GRIK2: variants seen among roughly 807,000 people sequenced by gnomAD.
The protein encoded by GRIK2 is glutamate receptor ionotropic, kainate 2.
In GRIK2, 32 loss-of-function variants were observed where a neutral mutation model predicts 100.3. The observed-to-expected ratio is 0.32, with a 90% CI of 0.24 to 0.43. The LOEUF (loss-of-function observed/expected upper bound fraction) is 0.43. Among genes scored for constraint, GRIK2 ranks in the 20% least tolerant of loss-of-function variants. GRIK2 has a pLI of 1.00. For synonymous variants in GRIK2, 417 were observed against 389.4 expected (o/e 1.07, Z -0.83); for missense variants, 843 against 1,114.9 (o/e 0.76, Z 3.47).
intron 10 of GRIK2, among the ~76,000 whole-genome samples, chr6:101,836,368 CT>C (rs1783092386): frequency 6.6e-6 from 1 of 151,806 alleles, no homozygotes; most frequent in Non-Finnish European, 1.5e-5. Flanking sequence ...TGACACCTGG[CT>C]TGATTGAATG....
intron 4 of GRIK2, among the ~76,000 whole-genome samples, chr6:101,641,229 T>TA (rs1377795311): frequency 5.3e-4 from 80 of 152,206 alleles, no homozygotes; most frequent in African/African-American, 1.9e-3. Context: ...TTTTAACTTT[T>TA]AAAAAATGTA....
chr6:101,786,802 T>G (rs1248934484), intron 7 of GRIK2, among the ~76,000 whole-genome samples: 1 of 152,156 alleles, frequency 6.6e-6, no homozygotes, highest in East Asian at 1.9e-4. Flanking sequence ...TGTCCTTGTC[T>G]GCTTTTGGTA....
rs187310130 is a variant in GRIK2, at chr6:101,854,754, A to G, written c.1318-4533A>G. Among the ~76,000 whole-genome samples, 94 of 152,310 alleles carry G rather than the reference A, an allele frequency of 6.2e-4. 1 individual carries two copies. The highest frequency in any genetic ancestry group is 2.2e-3 in the African/African-American group (91 of 41,570). Reference sequence around the variant, plus strand: ...AACTAATTTATCAATAATTTATCCAATCAGTATTTACTGGGCACCTACTAT... The same window carrying G: ...AACTAATTTATCAATAATTTATCCAGTCAGTATTTACTGGGCACCTACTAT... On this transcript the variant is annotated intron_variant, in intron 10 of 16. Transcript: ENST00000369134.
At chr6:101,931,861 A>G (rs1790307947) in intron 14 of GRIK2, among the ~76,000 whole-genome samples, 1 of 152,118 alleles carries the variant, frequency 6.6e-6, no homozygotes, top group Admixed American at 6.6e-5. Context: ...CAAGAATTTT[A>G]TTAAGAAACA....
At chr6:101,554,810 G>A (rs534747547) in intron 2 of GRIK2, among the ~76,000 whole-genome samples, 6 of 151,884 alleles carry the variant, frequency 4.0e-5, no homozygotes, top group African/African-American at 4.8e-5. Flanking sequence ...TTGTACCTGC[G>A]CATAAGAAGG....
chr6:101,648,601 A>C (rs1306706630), intron 4 of GRIK2, among the ~76,000 whole-genome samples: 2 of 152,064 alleles, frequency 1.3e-5, no homozygotes, highest in Non-Finnish European at 2.9e-5. Context: ...CATGCTATTC[A>C]CTGTCTTCAA....
chr6:101,949,789 A>C (rs1454653924), intron 14 of GRIK2, among the ~76,000 whole-genome samples: 1 of 152,084 alleles, frequency 6.6e-6, no homozygotes, highest in Non-Finnish European at 1.5e-5. Context: ...AGTCTTTGCT[A>C]TTGTGAATAG....
intron 2 of GRIK2, among the ~76,000 whole-genome samples, chr6:101,447,894 C>A (rs561311641): frequency 6.6e-6 from 1 of 151,602 alleles, no homozygotes. Flanking sequence ...TTTGTCATCC[C>A]GTCTCCTTCC....
intron 7 of GRIK2, among the ~76,000 whole-genome samples, chr6:101,690,607 C>A (rs529553288): frequency 2.6e-5 from 4 of 151,974 alleles, no homozygotes; most frequent in Non-Finnish European, 2.9e-5. Context: ...GGCTCCTCAT[C>A]ATTTACTAGG....
intron 2 of GRIK2, among the ~76,000 whole-genome samples, chr6:101,580,548 T>C (rs1778027591): frequency 1.3e-5 from 2 of 152,150 alleles, no homozygotes; most frequent in South Asian, 4.1e-4. Context: ...ATCTATCCAT[T>C]GTTTCTTTTG....
chr6:101,756,246 C>G (rs1015367922), intron 7 of GRIK2, among the ~76,000 whole-genome samples: 1 of 152,084 alleles, frequency 6.6e-6, no homozygotes, highest in African/African-American at 2.4e-5. Flanking sequence ...GAGTCAAGAA[C>G]AAACACACAC....
At chr6:102,025,915 C>G (rs763331522) in intron 14 of GRIK2, among the ~76,000 whole-genome samples, 2 of 150,616 alleles carry the variant, frequency 1.3e-5, no homozygotes, top group African/African-American at 2.4e-5. Context: ...TTTTGTGCCT[C>G]TAAGTCTCCT....
At chr6:101,850,487 A>G (rs1784071301) in intron 10 of GRIK2, among the ~76,000 whole-genome samples, 1 of 152,052 alleles carries the variant, frequency 6.6e-6, no homozygotes, top group South Asian at 2.1e-4. Context: ...TCTCAGGGTT[A>G]ACATATGAAA....
intron 4 of GRIK2, among the ~76,000 whole-genome samples, chr6:101,638,647 A>T (rs568144080): frequency 6.6e-6 from 1 of 152,284 alleles, no homozygotes; most frequent in East Asian, 1.9e-4. Context: ...GGGAAAATCT[A>T]AAAACCAAAG....
intron 12 of GRIK2, among the ~76,000 whole-genome samples, chr6:101,899,830 T>A (rs1162878971): frequency 1.3e-5 from 2 of 152,154 alleles, no homozygotes; most frequent in Non-Finnish European, 2.9e-5. Flanking sequence ...CTGAATATTA[T>A]TTTAACATAA....
intron 2 of GRIK2, among the ~76,000 whole-genome samples, chr6:101,527,164 C>T (rs907032886): frequency 2.0e-5 from 3 of 152,174 alleles, no homozygotes; most frequent in African/African-American, 4.8e-5. Flanking sequence ...GCAGGAAAAA[C>T]AATCTGCTCA....
intron 4 of GRIK2, among the ~76,000 whole-genome samples, chr6:101,640,801 T>G (rs1390858775): frequency 6.6e-6 from 1 of 152,110 alleles, no homozygotes; most frequent in African/African-American, 2.4e-5. Context: ...TAACTCCACT[T>G]GAGAATCACT....
intron 14 of GRIK2, among the ~76,000 whole-genome samples, chr6:101,992,164 G>C (rs1405431366): frequency 6.6e-6 from 1 of 151,484 alleles, no homozygotes; most frequent in African/African-American, 2.4e-5. Flanking sequence ...TAAAGAAGCA[G>C]ATCAGTCAGT....
chr6:102,039,228 T>G (rs1770442066), intron 15 of GRIK2, among the ~76,000 whole-genome samples: 1 of 151,420 alleles, frequency 6.6e-6, no homozygotes, highest in Admixed American at 6.6e-5. Flanking sequence ...AACCTCTGTT[T>G]ACACAAAAAT....
Sources: allele counts gnomAD v4.1 joint callset (sites outside exome capture counted in the v4.1 genomes callset), GRCh38; gene constraint gnomAD v4.1.1; transcripts MANE v1.5; gene names NCBI Gene and HGNC (gene_info 2026-07-23, HGNC 2026-07-21).